EYA1: variants seen among roughly 807,000 people sequenced by gnomAD.
EYA1 encodes protein phosphatase EYA1.
In EYA1, 16 loss-of-function variants were observed where a neutral mutation model predicts 82.0. The ratio of observed to expected loss-of-function variants is 0.20; its 90% CI spans 0.13 to 0.30. EYA1 has a LOEUF of 0.30. EYA1 is among the 10% of genes least tolerant of loss of function. The pLI, the probability that EYA1 is intolerant of heterozygous loss-of-function variation, is 1.00. For synonymous variants in EYA1, 261 were observed against 264.4 expected, an observed-to-expected ratio of 0.99 and a Z score of 0.12; for missense variants, 633 against 730.7, an observed-to-expected ratio of 0.87 and a Z score of 1.54.
At chr8:71,288,037 C>A (rs2128982249) in intron 9 of EYA1, among the ~76,000 whole-genome samples, 1 of 152,222 alleles carries the variant, frequency 6.6e-6, no homozygotes. Context: ...AACTCCAAAT[C>A]CCTAGCCACC....
At chr8:71,302,662 C>T (rs1820332305) in intron 7 of EYA1, among the ~76,000 whole-genome samples, 1 of 141,582 alleles carries the variant, frequency 7.1e-6, no homozygotes, top group Non-Finnish European at 1.6e-5. Context: ...TAATTTTTCA[C>T]CACCAGAATC....
At chr8:71,473,006 C>T (rs1809349669) in intron 2 of EYA1, among the ~76,000 whole-genome samples, 2 of 151,788 alleles carry the variant, frequency 1.3e-5, no homozygotes, top group South Asian at 4.2e-4. Context: ...AACACACTCT[C>T]AATGTGTTAT....
intron 2 of EYA1, among the ~76,000 whole-genome samples, chr8:71,424,183 G>C (rs1052745133): frequency 6.6e-6 from 1 of 152,134 alleles, no homozygotes; most frequent in South Asian, 2.1e-4. Flanking sequence ...TTCAATAACA[G>C]AATATTGCCA....
Position 71,361,833 on chromosome 8 carries a change from C to T in EYA1, c.-241G>A, listed in dbSNP as rs1019204571. 2 of 985,452 alleles carry T rather than the reference C, an allele frequency of 2.0e-6. No homozygotes were observed. Among genetic ancestry groups the T allele is most frequent in the Non-Finnish European group, 2.4e-6 (2 of 829,936 alleles). 61.0% of individuals were successfully genotyped at this position (985,452 alleles called of 1,614,324 possible). ...GCAGGGGAAAGCTCGGCGCAGGGGG[C>T]AGGCGCCTGGCCGCTGCCGCAGGCT... On this transcript the variant is annotated 5_prime_UTR_variant, in exon 1 of 18. Coordinates refer to ENST00000340726, the MANE Select transcript of EYA1 (RefSeq NM_000503.6).
chr8:71,251,005 A>G (rs1285601914), intron 11 of EYA1, among the ~76,000 whole-genome samples: 1 of 152,226 alleles, frequency 6.6e-6, no homozygotes, highest in Non-Finnish European at 1.5e-5. Context: ...TTTGATCTAC[A>G]TAAGATAGTA....
chr8:71,375,147 A>G (rs1828299233), intron 2 of EYA1, among the ~76,000 whole-genome samples: 1 of 152,152 alleles, frequency 6.6e-6, no homozygotes, highest in Non-Finnish European at 1.5e-5. Flanking sequence ...TAGATACTCT[A>G]CTACAAAACA....
chr8:71,237,773 A>G (rs1812021000), intron 12 of EYA1, among the ~76,000 whole-genome samples: 1 of 152,184 alleles, frequency 6.6e-6, no homozygotes. Context: ...TATACATTTT[A>G]TAATAGAATT....
intron 2 of EYA1, among the ~76,000 whole-genome samples, chr8:71,451,270 T>C (rs1367618477): frequency 3.9e-5 from 6 of 152,172 alleles, no homozygotes; most frequent in South Asian, 2.1e-4. Flanking sequence ...GCAATAAGTA[T>C]AGAAAAACAA....
At chr8:71,359,282 T>C (rs962929709) in intron 1 of EYA1, among the ~76,000 whole-genome samples, 6 of 152,212 alleles carry the variant, frequency 3.9e-5, no homozygotes, top group African/African-American at 1.4e-4. Flanking sequence ...CTTTTGTTGA[T>C]ATTCAATTTG....
intron 7 of EYA1, among the ~76,000 whole-genome samples, chr8:71,311,112 C>T (rs1821287211): frequency 6.6e-6 from 1 of 152,120 alleles, no homozygotes; most frequent in African/African-American, 2.4e-5. Context: ...TGATTGGGCA[C>T]CACCATTATA....
chr8:71,474,471 T>C (rs1488473048), intron 2 of EYA1, among the ~76,000 whole-genome samples: 1 of 152,132 alleles, frequency 6.6e-6, no homozygotes, highest in Non-Finnish European at 1.5e-5. Context: ...CAACAGCATG[T>C]TGTTTTGCAA....
intron 9 of EYA1, among the ~76,000 whole-genome samples, chr8:71,282,536 G>A (rs900426815): frequency 3.9e-5 from 6 of 152,180 alleles, no homozygotes; most frequent in African/African-American, 1.4e-4. Flanking sequence ...CCTTTTGCCA[G>A]CGCCACACAC....
chr8:71,387,197 G>T (rs1307820528), intron 2 of EYA1, among the ~76,000 whole-genome samples: 1 of 152,152 alleles, frequency 6.6e-6, no homozygotes, highest in Non-Finnish European at 1.5e-5. Context: ...GACAGTCAGT[G>T]ATGAATGACT....
intron 2 of EYA1, among the ~76,000 whole-genome samples, chr8:71,408,678 C>T (rs1230168229): frequency 8.7e-6 from 1 of 115,436 alleles, no homozygotes; most frequent in African/African-American, 3.6e-5. Context: ...GCTAACTATC[C>T]TAAATATATA....
intron 9 of EYA1, among the ~76,000 whole-genome samples, chr8:71,275,854 A>G (rs1366413040): frequency 2.0e-5 from 3 of 152,224 alleles, no homozygotes; most frequent in Non-Finnish European, 4.4e-5. Context: ...CTTAGTCTTC[A>G]ATATTATTTG....
chr8:71,286,469 T>C (rs1818373604), intron 9 of EYA1, among the ~76,000 whole-genome samples: 1 of 152,194 alleles, frequency 6.6e-6, no homozygotes, highest in Non-Finnish European at 1.5e-5. Context: ...GACATATTGT[T>C]ATGCCAGCTG....
intron 17 of EYA1, among the ~76,000 whole-genome samples, chr8:71,208,155 G>A (rs887706369): frequency 1.8e-4 from 27 of 151,216 alleles, no homozygotes; most frequent in African/African-American, 5.6e-4. Context: ...AAAACTGGCC[G>A]GGCACAGTGG....
Position 71,198,228 on chromosome 8 carries a change from AATT to A in EYA1, c.*1109_*1111del, listed in dbSNP as rs948126238. On this transcript the variant is annotated 3_prime_UTR_variant, in exon 18 of 18. Transcript: ENST00000340726. ...TCTTTGTGGGAAGAAGCATTTGAAT[AATT>A]ATTTTTTCCAAGTAGTTACATATAA... is the stretch of plus-strand genomic sequence containing the variant. 6.6e-6 allele frequency: 1 copy of A among 152,614 alleles called. No homozygotes were observed. 9.5% of individuals were successfully genotyped at this position (152,614 alleles called of 1,614,324 possible). A position where few individuals can be genotyped will look rare whatever the true frequency, so the allele number is the denominator to read the frequency against.
chr8:71,285,626 G>T (rs1818286531), intron 9 of EYA1, among the ~76,000 whole-genome samples: 1 of 152,194 alleles, frequency 6.6e-6, no homozygotes, highest in South Asian at 2.1e-4. Flanking sequence ...AGAGGCATGT[G>T]CTCTTGGGAG....
Sources: gnomAD v4.1 joint callset for allele counts (sites outside exome capture counted in the v4.1 genomes callset) on GRCh38, gnomAD v4.1.1 for gene constraint, MANE v1.5 for transcripts, NCBI Gene and HGNC (gene_info 2026-07-23, HGNC 2026-07-21) for gene names.